BABAM2: variants seen among roughly 807,000 people sequenced by gnomAD.
The protein encoded by BABAM2 is BRISC and BRCA1 A complex member 2.
Under a neutral mutation model 54.7 loss-of-function variants are expected in BABAM2, and 31 were observed. That is an observed-to-expected ratio of 0.57 (90% CI 0.43 to 0.77). The LOEUF is 0.77. Among genes scored for constraint, BABAM2 ranks in the 30% least tolerant of loss-of-function variants. BABAM2 has a pLI of 0.00. For synonymous variants in BABAM2, 167 were observed against 162.9 expected, an observed-to-expected ratio of 1.03 and a Z score of -0.19; for missense variants, 364 against 455.8, an observed-to-expected ratio of 0.80 and a Z score of 1.83.
At chr2:28,006,489 A>G (rs775406493) in intron 4 of BABAM2, among the ~76,000 whole-genome samples, 1 of 152,094 alleles carries the variant, frequency 6.6e-6, no homozygotes, top group East Asian at 1.9e-4. Flanking sequence ...AAAATGAGAC[A>G]AATAAGTGTA....
chr2:28,238,089 A>T (rs977584008), intron 8 of BABAM2, among the ~76,000 whole-genome samples: 28 of 152,080 alleles, frequency 1.8e-4, no homozygotes, highest in African/African-American at 6.8e-4. Flanking sequence ...ACTTCAGATG[A>T]TCTGCCTACC....
intron 11 of BABAM2, among the ~76,000 whole-genome samples, chr2:28,305,558 C>T (rs1688447247): frequency 2.0e-5 from 3 of 152,188 alleles, no homozygotes; most frequent in Admixed American, 2.0e-4. Context: ...ATTAAATAAA[C>T]TGGAAAGTAT....
intron 3 of BABAM2, among the ~76,000 whole-genome samples, chr2:27,978,150 A>G (rs983251472): frequency 6.6e-6 from 1 of 152,112 alleles, no homozygotes; most frequent in South Asian, 2.1e-4. Context: ...TGGATCCCTC[A>G]TGAATGGTGT....
At chr2:28,251,972 C>T (rs2148106454) in intron 10 of BABAM2, among the ~76,000 whole-genome samples, 1 of 152,182 alleles carries the variant, frequency 6.6e-6, no homozygotes, top group Admixed American at 6.5e-5. Flanking sequence ...GGGTAGATCA[C>T]CTGAGGTCAG....
chr2:28,261,496 AT>A (rs879269067), intron 10 of BABAM2, among the ~76,000 whole-genome samples: 8 of 148,108 alleles, frequency 5.4e-5, no homozygotes, highest in East Asian at 2.0e-4. Flanking sequence ...CACCCGGTTA[AT>A]TTTTTTTTTG....
At chr2:28,267,757 T>C (rs1685106479) in intron 10 of BABAM2, among the ~76,000 whole-genome samples, 1 of 152,182 alleles carries the variant, frequency 6.6e-6, no homozygotes, top group South Asian at 2.1e-4. Context: ...CATTTATCTC[T>C]CCAACACACA....
At chr2:28,267,877 A>G (rs958916401) in intron 10 of BABAM2, among the ~76,000 whole-genome samples, 9 of 152,388 alleles carry the variant, frequency 5.9e-5, no homozygotes, top group East Asian at 1.9e-4. Context: ...AAGAATAATC[A>G]TGGCAGTATC....
chr2:28,145,950 AT>A (rs1338740182), intron 7 of BABAM2, among the ~76,000 whole-genome samples: 2 of 152,214 alleles, frequency 1.3e-5, no homozygotes, highest in Non-Finnish European at 2.9e-5. Flanking sequence ...CAGTATATCA[AT>A]ATACCACATT....
At chr2:28,177,920 A>G (rs559578381) in intron 7 of BABAM2, among the ~76,000 whole-genome samples, 2 of 152,138 alleles carry the variant, frequency 1.3e-5, no homozygotes, top group Non-Finnish European at 2.9e-5. Flanking sequence ...ATATAATAAT[A>G]AAAAGATCAG....
At chr2:28,253,247 A>G (rs954498841) in intron 10 of BABAM2, among the ~76,000 whole-genome samples, 1 of 152,000 alleles carries the variant, frequency 6.6e-6, no homozygotes, top group African/African-American at 2.4e-5. Flanking sequence ...TAAAAAAAAA[A>G]GAAAATTAGC....
At chr2:27,917,431 G>A (rs1376924839) in intron 2 of BABAM2, among the ~76,000 whole-genome samples, 1 of 152,136 alleles carries the variant, frequency 6.6e-6, no homozygotes, top group African/African-American at 2.4e-5. Context: ...AGTTCTGATG[G>A]CTAGAAAGTC....
At chr2:28,041,044 G>A (rs1291937888) in intron 5 of BABAM2, among the ~76,000 whole-genome samples, 1 of 152,180 alleles carries the variant, frequency 6.6e-6, no homozygotes, top group African/African-American at 2.4e-5. Flanking sequence ...GAGCTAAAAT[G>A]CAGTGCATGG....
intron 5 of BABAM2, among the ~76,000 whole-genome samples, chr2:28,044,271 C>T (rs575130909): frequency 3.9e-5 from 6 of 152,166 alleles, no homozygotes; most frequent in Admixed American, 3.9e-4. Context: ...CTCTTGTTGC[C>T]GAGGCTGGAG....
intron 8 of BABAM2, among the ~76,000 whole-genome samples, chr2:28,239,644 G>A (rs1682231848): frequency 6.6e-6 from 1 of 152,034 alleles, no homozygotes; most frequent in African/African-American, 2.4e-5. Context: ...TTTTTAATAG[G>A]AGCTCAAGAT....
At chr2:28,296,517 C>T (rs1462992294) in intron 10 of BABAM2, among the ~76,000 whole-genome samples, 1 of 152,128 alleles carries the variant, frequency 6.6e-6, no homozygotes, top group Non-Finnish European at 1.5e-5. Context: ...GCCCTCCCAA[C>T]TGGATGGTTT....
intron 7 of BABAM2, among the ~76,000 whole-genome samples, chr2:28,194,525 C>T (rs1449365912): frequency 6.6e-6 from 1 of 150,572 alleles, no homozygotes; most frequent in African/African-American, 2.4e-5. Flanking sequence ...CTAATGAAAC[C>T]GTAATTTTCA....
intron 11 of BABAM2, chr2:28,308,482 A>G (rs1001188900): frequency 1.5e-5 from 8 of 528,996 alleles, no homozygotes; most frequent in African/African-American, 7.7e-5. Flanking sequence ...AACAAGCACC[A>G]GATCAAACAG....
chr2:28,018,355 C>A (rs369172211), intron 4 of BABAM2, among the ~76,000 whole-genome samples: 3 of 152,170 alleles, frequency 2.0e-5, no homozygotes, highest in Non-Finnish European at 4.4e-5. Flanking sequence ...CTTTTTATGG[C>A]TGAGTAGTAT....
intron 2 of BABAM2, among the ~76,000 whole-genome samples, chr2:27,900,800 T>A (rs753810359): frequency 2.0e-5 from 3 of 152,032 alleles, no homozygotes; most frequent in Non-Finnish European, 2.9e-5. Context: ...TCCCAGCACT[T>A]TGGGAGGCCG....
Sources: allele counts gnomAD v4.1 joint callset (sites outside exome capture counted in the v4.1 genomes callset), GRCh38; gene constraint gnomAD v4.1.1; transcripts MANE v1.5; gene names NCBI Gene and HGNC (gene_info 2026-07-23, HGNC 2026-07-21).